The following CNTNAP2 variants were observed in gnomAD, a reference collection of about 807,000 sequenced individuals.
CNTNAP2 encodes the protein contactin-associated protein-like 2.
CNTNAP2 carries 98 observed loss-of-function variants against 155.2 expected under a neutral mutation model. The ratio of observed to expected loss-of-function variants is 0.63; its 90% CI spans 0.54 to 0.75. The LOEUF is 0.75. Among genes scored for constraint, CNTNAP2 ranks in the 30% least tolerant of loss-of-function variants. CNTNAP2 has a pLI of 0.00. For missense variants in CNTNAP2, 1,727 were observed against 1,688.1 expected (o/e 1.02, Z -0.40); for synonymous variants, 651 against 631.2 (o/e 1.03, Z -0.47).
At chr7:147,093,787 C>CA (rs1800465640) in intron 4 of CNTNAP2, among the ~76,000 whole-genome samples, 1 of 152,160 alleles carries the variant, frequency 6.6e-6, no homozygotes, top group Non-Finnish European at 1.5e-5. Flanking sequence ...AGGTGTGATT[C>CA]ATCCAGGGCA....
At chr7:147,506,931 G>A (rs777572875) in intron 11 of CNTNAP2, among the ~76,000 whole-genome samples, 12 of 152,178 alleles carry the variant, frequency 7.9e-5, no homozygotes, top group African/African-American at 2.7e-4. Flanking sequence ...TGAGGCTAGT[G>A]ATTTGGCCTC....
intron 11 of CNTNAP2, among the ~76,000 whole-genome samples, chr7:147,494,688 T>A (rs1798669500): frequency 6.6e-6 from 1 of 152,178 alleles, no homozygotes; most frequent in Admixed American, 6.5e-5. Context: ...AACACCCATT[T>A]TAACACTTTT....
intron 3 of CNTNAP2, among the ~76,000 whole-genome samples, chr7:146,951,091 G>A (rs181092065): frequency 6.6e-4 from 101 of 152,050 alleles, no homozygotes; most frequent in Admixed American, 2.1e-3. Flanking sequence ...ATAAATGTCC[G>A]CTTTTGAGAA....
intron 1 of CNTNAP2, among the ~76,000 whole-genome samples, chr7:146,196,834 A>G (rs1584797561): frequency 6.6e-6 from 1 of 152,232 alleles, no homozygotes; most frequent in African/African-American, 2.4e-5. Context: ...TCGCACTACT[A>G]TTGGAAATTT....
At chr7:147,366,099 T>C (rs140483810) in intron 9 of CNTNAP2, among the ~76,000 whole-genome samples, 79 of 152,326 alleles carry the variant, frequency 5.2e-4, no homozygotes, top group African/African-American at 1.5e-3. Flanking sequence ...CAGTCATTAT[T>C]TTAGATGCAA....
intron 18 of CNTNAP2, among the ~76,000 whole-genome samples, chr7:148,191,778 G>T (rs549064364): frequency 3.3e-5 from 5 of 152,230 alleles, no homozygotes; most frequent in African/African-American, 9.6e-5. Flanking sequence ...TCAAGTTAGG[G>T]GTTAGGATTT....
At chr7:146,274,023 A>G (rs1452561065) in intron 1 of CNTNAP2, among the ~76,000 whole-genome samples, 2 of 152,184 alleles carry the variant, frequency 1.3e-5, no homozygotes, top group African/African-American at 2.4e-5. Flanking sequence ...ATACACATAC[A>G]TATGTAATAG....
intron 1 of CNTNAP2, among the ~76,000 whole-genome samples, chr7:146,345,984 C>T (rs970296682): frequency 2.0e-5 from 3 of 151,996 alleles, no homozygotes; most frequent in Non-Finnish European, 4.4e-5. Flanking sequence ...TTAAGACCTC[C>T]GCAAAGCTCT....
chr7:148,243,676 G>A (rs749075982), intron 20 of CNTNAP2, among the ~76,000 whole-genome samples: 5 of 151,836 alleles, frequency 3.3e-5, no homozygotes, highest in Non-Finnish European at 7.4e-5. Flanking sequence ...CCCATGATTC[G>A]ATTACTTCCC....
At chr7:148,384,597 G>A (rs1298164766) in intron 22 of CNTNAP2, among the ~76,000 whole-genome samples, 2 of 152,190 alleles carry the variant, frequency 1.3e-5, no homozygotes, top group East Asian at 3.9e-4. Context: ...CCAAGCCTCT[G>A]CTTTTTCACC....
At chr7:146,573,377 G>A (rs1177026956) in intron 1 of CNTNAP2, among the ~76,000 whole-genome samples, 11 of 152,052 alleles carry the variant, frequency 7.2e-5, no homozygotes, top group African/African-American at 2.4e-4. Context: ...TCCTGACCTC[G>A]TGATCTGCCT....
chr7:147,587,688 A>G (rs1035244752), intron 12 of CNTNAP2, among the ~76,000 whole-genome samples: 1 of 152,168 alleles, frequency 6.6e-6, no homozygotes, highest in Non-Finnish European at 1.5e-5. Context: ...TTCACTGTCC[A>G]GCTCCCTTCT....
At chr7:147,821,527 T>G (rs1263876149) in intron 13 of CNTNAP2, among the ~76,000 whole-genome samples, 1 of 152,062 alleles carries the variant, frequency 6.6e-6, no homozygotes, top group African/African-American at 2.4e-5. Flanking sequence ...GTGCTATAAA[T>G]AACATAAACA....
chr7:147,132,370 A>T lies in CNTNAP2; in HGVS notation c.1209A>T (p.Thr403=), dbSNP rs1365079963. ...DLFSVSFQFR[T]WNPNGLLVFS... ...TCTCAGTCAGTTTCCAGTTTAGGAC[A>T]TGGAACCCCAATGGTCTCCTGGTCT... is the stretch of plus-strand genomic sequence containing the variant. The change falls in exon 8 of 24, where the codon ACA becomes ACT. Residue 403 remains threonine (T), a synonymous_variant. Transcript: ENST00000361727. The T allele has an allele frequency of 1.2e-6, 2 of 1,613,726 alleles. No homozygotes were observed. The highest frequency in any genetic ancestry group is 4.5e-5 in the East Asian group (2 of 44,858).
intron 1 of CNTNAP2, among the ~76,000 whole-genome samples, chr7:146,580,636 T>C (rs1428149975): frequency 1.3e-5 from 2 of 152,124 alleles, no homozygotes; most frequent in African/African-American, 2.4e-5. Context: ...TGTAAGTGTA[T>C]GTTTCGTCTT....
intron 8 of CNTNAP2, among the ~76,000 whole-genome samples, chr7:147,230,388 G>T (rs534158006): frequency 2.6e-5 from 4 of 152,206 alleles, no homozygotes; most frequent in East Asian, 1.9e-4. Context: ...CTCCTGAGTA[G>T]CTGGAACTAC....
chr7:146,724,756 C>T (rs112963129), intron 1 of CNTNAP2, among the ~76,000 whole-genome samples: 2,040 of 151,194 alleles, frequency 0.013, 50 homozygotes, highest in African/African-American at 0.047. Flanking sequence ...TTTTTAGTAG[C>T]GACAGCGTTT....
intron 3 of CNTNAP2, among the ~76,000 whole-genome samples, chr7:146,884,274 G>A (rs944884904): frequency 3.9e-5 from 6 of 152,086 alleles, no homozygotes; most frequent in Non-Finnish European, 8.8e-5. Flanking sequence ...TTGCATATAA[G>A]TGGACCTGCA....
chr7:146,143,545 A>G (rs949559167), intron 1 of CNTNAP2, among the ~76,000 whole-genome samples: 2 of 152,038 alleles, frequency 1.3e-5, no homozygotes, highest in African/African-American at 4.8e-5. Flanking sequence ...CAGAAGTATA[A>G]AATGTTGAAA....
Sources: gnomAD v4.1 joint callset for allele counts (sites outside exome capture counted in the v4.1 genomes callset) on GRCh38, gnomAD v4.1.1 for gene constraint, MANE v1.5 for transcripts, NCBI Gene and HGNC (gene_info 2026-07-23, HGNC 2026-07-21) for gene names.